The following POLR3A variants were observed in gnomAD, a reference collection of about 807,000 sequenced individuals.
POLR3A encodes RNA polymerase III subunit A, also known as DNA-directed RNA polymerase III subunit RPC1.
POLR3A carries 112 observed loss-of-function variants against 152.8 expected under a neutral mutation model. That is an observed-to-expected ratio of 0.73 (90% CI 0.63 to 0.86). The LOEUF (loss-of-function observed/expected upper bound fraction) is 0.86. POLR3A is among the 40% of genes least tolerant of loss of function. The pLI, the probability that POLR3A is intolerant of heterozygous loss-of-function variation, is 0.00. For synonymous variants in POLR3A, 615 were observed against 652.1 expected (o/e 0.94, Z 0.87); for missense variants, 1,385 against 1,743.1 (o/e 0.79, Z 3.66).
intron 10 of POLR3A, among the ~76,000 whole-genome samples, chr10:78,014,190 A>C (rs375843775): frequency 6.6e-6 from 1 of 152,122 alleles, no homozygotes; most frequent in African/African-American, 2.4e-5. Flanking sequence ...CTCATTCGAG[A>C]AGCTTTATTA....
At chr10:78,009,513 C>A in intron 14 of POLR3A, 24 bp downstream of exon 14, 1 of 1,614,212 alleles carries the variant, frequency 6.2e-7, no homozygotes, top group Admixed American at 1.7e-5. Context: ...CCTCCTTCTC[C>A]CCACCCGAGT....
At chr10:77,981,906 G>T (rs1251182071) in intron 28 of POLR3A, among the ~76,000 whole-genome samples, 5 of 149,754 alleles carry the variant, frequency 3.3e-5, no homozygotes, top group African/African-American at 1.2e-4. Context: ...GGGCGTGGTG[G>T]TGGGTGCCTG....
intron 9 of POLR3A, 106 bp from the exon 10 acceptor site, chr10:78,017,822 T>C: frequency 8.1e-7 from 1 of 1,240,240 alleles, no homozygotes; most frequent in Admixed American, 1.7e-5. Flanking sequence ...TCATCAAATC[T>C]AAGATGCCTC....
intron 19 of POLR3A, among the ~76,000 whole-genome samples, chr10:77,994,886 A>T (rs2131938135): frequency 6.6e-6 from 1 of 152,270 alleles, no homozygotes; most frequent in Non-Finnish European, 1.5e-5. Context: ...GAAATGAAGG[A>T]AAAAATGTTA....
chr10:77,980,433 A>G (rs1254081461), intron 29 of POLR3A, among the ~76,000 whole-genome samples, 160 bp from the exon 30 acceptor site: 1 of 152,190 alleles, frequency 6.6e-6, no homozygotes, highest in Non-Finnish European at 1.5e-5. Context: ...TCTGTGTCCC[A>G]TTGAGGTGGT....
chr10:78,020,644 T>TG (rs1847570351), intron 8 of POLR3A, among the ~76,000 whole-genome samples: 1 of 151,756 alleles, frequency 6.6e-6, no homozygotes, highest in South Asian at 2.1e-4. Context: ...GAAAATTAGC[T>TG]GCGCATGGTG....
intron 11 of POLR3A, among the ~76,000 whole-genome samples, chr10:78,012,416 G>A (rs548721036): frequency 2.0e-5 from 3 of 151,502 alleles, no homozygotes; most frequent in South Asian, 4.2e-4. Flanking sequence ...AAATCTAAAC[G>A]TATAGACAAC....
chr10:77,998,955 G>A (rs1847328777), intron 19 of POLR3A, among the ~76,000 whole-genome samples: 1 of 152,166 alleles, frequency 6.6e-6, no homozygotes, highest in African/African-American at 2.4e-5. Context: ...TACACACCAT[G>A]GAATACTATG....
intron 23 of POLR3A, 42 bp from the exon 24 acceptor site, chr10:77,985,382 A>G (rs1399855855): frequency 1.9e-6 from 3 of 1,546,446 alleles, no homozygotes; most frequent in Non-Finnish European, 2.7e-6. Context: ...CATGCCAAAG[A>G]AAAGTCCAGC....
At chr10:78,017,529 G>C in intron 10 of POLR3A, 46 bp downstream of exon 10, 1 of 1,600,494 alleles carries the variant, frequency 6.2e-7, no homozygotes, top group South Asian at 1.1e-5. Context: ...GAACAGTCAT[G>C]GCAAATTTCT....
Position 78,017,442 on chromosome 10 carries a change from G to A in POLR3A, c.1431+133C>T, listed in dbSNP as rs566988459. ...AACCTGGGTGACAGAGCAAGAGCCT[G>A]TCTCAAAAAAAAAAAAAAGTTATGA... On this transcript the variant is annotated intron_variant, in intron 10 of 30. Coordinates refer to ENST00000372371, the MANE Select transcript of POLR3A (RefSeq NM_007055.4). The A allele has an allele frequency of 2.7e-3, 2,335 of 852,634 alleles. 11 individuals are homozygous for A. The highest frequency in any genetic ancestry group is 3.8e-3 in the Non-Finnish European group (2,080 of 549,244). The allele number at this position is 852,634 out of a possible 1,614,324, so 52.8% of individuals were successfully genotyped here. A position where few individuals can be genotyped will look rare whatever the true frequency, so the allele number is the denominator to read the frequency against.
intron 21 of POLR3A, among the ~76,000 whole-genome samples, chr10:77,988,330 TG>T (rs562611315): frequency 1.1e-3 from 162 of 152,250 alleles, no homozygotes; most frequent in Middle Eastern, 3.4e-3. Context: ...GAGACCAGCC[TG>T]GCCAACAAGG....
At chr10:77,988,215 G>A (rs1847215590) in intron 21 of POLR3A, among the ~76,000 whole-genome samples, 2 of 152,140 alleles carry the variant, frequency 1.3e-5, no homozygotes, top group Admixed American at 6.6e-5. Context: ...ACATAGAAAG[G>A]GCTTTTTATT....
At chr10:77,990,937 G>A (rs1029828752) in intron 21 of POLR3A, 117 bp downstream of exon 21, 30 of 699,492 alleles carry the variant, frequency 4.3e-5, no homozygotes, top group African/African-American at 8.8e-5. Context: ...TCTAACAAAG[G>A]AACAACCCTA....
rs1847084370 is a variant in POLR3A at position 77,975,942 on chromosome 10, C to T, written c.*1536G>A. ...TTAGTGTTCATTAACAAACTTAATC[C>T]TTTGTCCTAAACCAGGCTCTAGCTC... On this transcript the variant is annotated 3_prime_UTR_variant, in exon 31 of 31. Coordinates refer to ENST00000372371, the MANE Select transcript of POLR3A (RefSeq NM_007055.4). 6.6e-6 allele frequency: 1 copy of T among 151,954 alleles called. No individual in the cohort carries two copies. Among genetic ancestry groups the T allele is most frequent in the South Asian group, 2.1e-4 (1 of 4,800 alleles). 9.4% of individuals were successfully genotyped at this position (151,954 alleles called of 1,614,324 possible). A position where few individuals can be genotyped will look rare whatever the true frequency, so the allele number is the denominator to read the frequency against.
chr10:77,979,565 G>T (rs2131924921), intron 30 of POLR3A, among the ~76,000 whole-genome samples: 1 of 152,360 alleles, frequency 6.6e-6, no homozygotes, highest in African/African-American at 2.4e-5. Context: ...TTGTCGAGTG[G>T]CGGGGATGAG....
At chr10:77,987,429 G>T (rs769381342) in intron 21 of POLR3A, among the ~76,000 whole-genome samples, 69 of 152,164 alleles carry the variant, frequency 4.5e-4, no homozygotes, top group Non-Finnish European at 3.5e-4. Flanking sequence ...GCCCACACAT[G>T]GAGGACAAGC....
chr10:78,022,404 C>A lies in POLR3A; in HGVS notation c.646-20G>T, dbSNP rs775497531. 6.2e-7 allele frequency: 1 copy of A among 1,611,984 alleles called. No homozygotes were observed. The highest frequency in any genetic ancestry group is 8.5e-7 in the Non-Finnish European group (1 of 1,179,808). On this transcript the variant is annotated intron_variant, in intron 5 of 30. Coordinates refer to ENST00000372371, the MANE Select transcript of POLR3A (RefSeq NM_007055.4). ...GTTTTCCTATGGAAACGAAGAAAGGCAGAAATGGAGATACTATGTTAGTTT... is the reference window on the plus strand; with the variant it reads ...GTTTTCCTATGGAAACGAAGAAAGGAAGAAATGGAGATACTATGTTAGTTT...
At chr10:78,014,094 T>A (rs1475584855) in intron 10 of POLR3A, among the ~76,000 whole-genome samples, 2 of 150,712 alleles carry the variant, frequency 1.3e-5, no homozygotes, top group Non-Finnish European at 1.5e-5. Context: ...GAGGTGGAGG[T>A]TGCAGTGAGC....
Sources: gnomAD v4.1 joint callset for allele counts (sites outside exome capture counted in the v4.1 genomes callset) on GRCh38, gnomAD v4.1.1 for gene constraint, MANE v1.5 for transcripts, NCBI Gene and HGNC (gene_info 2026-07-23, HGNC 2026-07-21) for gene names.